The following SDR42E2 variants were observed in gnomAD, a reference collection of about 807,000 sequenced individuals.
The protein encoded by SDR42E2 is short chain dehydrogenase/reductase family 42E, member 2.
Under a neutral mutation model 10.5 loss-of-function variants are expected in SDR42E2, and 20 were observed. The ratio of observed to expected loss-of-function variants is 1.90; its 90% confidence interval spans 1.34 to 2.77. SDR42E2 has a LOEUF of 2.77. SDR42E2 is among the 30% of genes most tolerant of loss of function. The pLI, the probability that SDR42E2 is intolerant of heterozygous loss-of-function variation, is 0.00. For missense variants in SDR42E2, 162 were observed against 104.2 expected, an observed-to-expected ratio of 1.55 and a Z score of -2.42; for synonymous variants, 72 against 39.2, an observed-to-expected ratio of 1.84 and a Z score of -3.12.
At chr16:22,167,341 C>T (rs865907083) in intron 4 of SDR42E2, among the ~76,000 whole-genome samples, 1 of 151,790 alleles carries the variant, frequency 6.6e-6, no homozygotes, top group South Asian at 2.1e-4. Flanking sequence ...GCCACCAACA[C>T]GCCCAGCTAA....
intron 7 of SDR42E2, among the ~76,000 whole-genome samples, chr16:22,177,337 G>A (rs2046652752): frequency 6.6e-6 from 1 of 152,054 alleles, no homozygotes; most frequent in Non-Finnish European, 1.5e-5. Context: ...TAGAAAAAGG[G>A]AGAACAAGGC....
At chr16:22,182,155 G>A (rs530812554) in intron 9 of SDR42E2, 57 bp from the exon 10 acceptor site, 45 of 408,148 alleles carry the variant, frequency 1.1e-4, no homozygotes, top group African/African-American at 8.2e-4. Context: ...CATCTGGAAG[G>A]GTGGGGCAGG....
At chr16:22,187,972 T>C (rs1287166088) in intron 12 of SDR42E2, among the ~76,000 whole-genome samples, 5 of 151,958 alleles carry the variant, frequency 3.3e-5, no homozygotes, top group African/African-American at 4.8e-5. Flanking sequence ...GGCACATACC[T>C]GTAGTCCCAG....
chr16:22,169,576 C>T lies in SDR42E2; in HGVS notation c.394+74C>T, dbSNP rs1402262748. On this transcript the variant is annotated intron_variant, in intron 5 of 12. Coordinates refer to ENST00000602312, the MANE Select transcript of SDR42E2 (RefSeq NM_001394319.2). ...CCCTTCTCCTGCTGCAGGCCTGGCTCCCAGGGTGTAGGGTCAAAGGGAGGG... is the reference window on the plus strand; with the variant it reads ...CCCTTCTCCTGCTGCAGGCCTGGCTTCCAGGGTGTAGGGTCAAAGGGAGGG... 1.0e-5 allele frequency: 7 copies of T among 702,486 alleles called. No individual in the cohort carries two copies. The African/African-American group carries it at 1.2e-4, about 12-fold the overall frequency. 43.5% of individuals were successfully genotyped at this position (702,486 alleles called of 1,614,324 possible). A position where few individuals can be genotyped will look rare whatever the true frequency, so the allele number is the denominator to read the frequency against.
At chr16:22,169,900 C>T (rs1343979177) in intron 5 of SDR42E2, among the ~76,000 whole-genome samples, 2 of 151,880 alleles carry the variant, frequency 1.3e-5, no homozygotes, top group Non-Finnish European at 2.9e-5. Flanking sequence ...GGCGTGGTGG[C>T]GGGTGCCTGC....
rs1410485136 is a variant in SDR42E2 at position 22,190,507 on chromosome 16, C to T, written c.*114C>T. The T allele has an allele frequency of 2.5e-5, 10 of 399,578 alleles. No individual in the cohort carries two copies. The highest frequency in any genetic ancestry group is 3.1e-5 in the Non-Finnish European group (7 of 226,678). 24.8% of individuals were successfully genotyped at this position (399,578 alleles called of 1,614,324 possible). A position where few individuals can be genotyped will look rare whatever the true frequency, so the allele number is the denominator to read the frequency against. ...CCTTCTGGGTTTGAGCGCGCCTCCG[C>T]TCCGCCCCTTGAATCCTGGTCACGC... On this transcript the variant is annotated 3_prime_UTR_variant, in exon 13 of 13. Coordinates refer to ENST00000602312, the MANE Select transcript of SDR42E2 (RefSeq NM_001394319.2).
At chr16:22,172,530 CAGA>C (rs2046610405) in intron 7 of SDR42E2, among the ~76,000 whole-genome samples, 199 bp downstream of exon 7, 1 of 152,206 alleles carries the variant, frequency 6.6e-6, no homozygotes, top group Admixed American at 6.5e-5. Flanking sequence ...GGATACAGCC[CAGA>C]AGAAGTCAGG....
rs2046764551 is a variant in SDR42E2 at position 22,190,361 on chromosome 16, C to T, written c.1237C>T (p.Gln413Ter). ...LALALHFLGL[Q>*]PLHAAVERL ...CCTGGCCCTGCACTTCCTAGGCCTG[C>T]AGCCTCTGCACGCCGCCGTGGAGCG... Residue 413 changes from glutamine (Q) to a stop codon, truncating the protein, a stop_gained, in exon 13 of 13, where the codon CAG becomes TAG. Transcript: ENST00000602312. LOFTEE classifies it low-confidence loss of function (END_TRUNC). The T allele has an allele frequency of 7.5e-6, 3 of 402,390 alleles. No homozygotes were observed. Among genetic ancestry groups the T allele is most frequent in the South Asian group, 1.1e-4 (1 of 8,876 alleles). 24.9% of individuals were successfully genotyped at this position (402,390 alleles called of 1,614,324 possible).
chr16:22,164,652 A>AC (rs1339815003), intron 1 of SDR42E2, among the ~76,000 whole-genome samples: 4 of 152,182 alleles, frequency 2.6e-5, no homozygotes, highest in Non-Finnish European at 5.9e-5. Flanking sequence ...AACGTGTGGT[A>AC]CCAGCCACCC....
chr16:22,172,075 T>C (rs1427845804), intron 6 of SDR42E2, among the ~76,000 whole-genome samples, 181 bp from the exon 7 acceptor site: 1 of 152,148 alleles, frequency 6.6e-6, no homozygotes, highest in East Asian at 1.9e-4. Flanking sequence ...TCTGCTCCTG[T>C]GGCTCTGGAA....
At chr16:22,175,206 T>A (rs955668379) in intron 7 of SDR42E2, among the ~76,000 whole-genome samples, 1 of 152,070 alleles carries the variant, frequency 6.6e-6, no homozygotes, top group Admixed American at 6.6e-5. Context: ...ACACCTGTAA[T>A]CCCAGCACTT....
At position 22,191,364 on chromosome 16, in the gene SDR42E2, C is replaced by G. The variant is rs1049000576; in HGVS notation, c.*971C>G. Reference sequence around the variant, plus strand: ...CCCGCCCCCTCCCTCTCTGGCTTCACCCCTTTCCAGCTCCGCCTCCCGGGT... The same window carrying G: ...CCCGCCCCCTCCCTCTCTGGCTTCAGCCCTTTCCAGCTCCGCCTCCCGGGT... On this transcript the variant is annotated 3_prime_UTR_variant, in exon 13 of 13. Coordinates refer to ENST00000602312, the MANE Select transcript of SDR42E2 (RefSeq NM_001394319.2). The G allele has an allele frequency of 6.5e-6, 1 of 152,834 alleles. No homozygotes were observed. Among genetic ancestry groups the G allele is most frequent in the Non-Finnish European group, 1.5e-5 (1 of 68,228 alleles). The allele number at this position is 152,834 out of a possible 1,614,324, so 9.5% of individuals were successfully genotyped here.
At chr16:22,177,957 G>T (rs554850427) in intron 7 of SDR42E2, among the ~76,000 whole-genome samples, 173 bp from the exon 8 acceptor site, 124 of 152,256 alleles carry the variant, frequency 8.1e-4, no homozygotes, top group Middle Eastern at 6.8e-3. Flanking sequence ...ACTCTGAATA[G>T]TGTCTGTTGA....
chr16:22,174,465 G>A (rs2046627661), intron 7 of SDR42E2, among the ~76,000 whole-genome samples: 1 of 152,042 alleles, frequency 6.6e-6, no homozygotes, highest in Non-Finnish European at 1.5e-5. Flanking sequence ...CCAGAGCCTG[G>A]GGCCTAATCA....
intron 3 of SDR42E2, 135 bp from the exon 4 acceptor site, chr16:22,166,769 G>C: frequency 2.2e-6 from 1 of 449,858 alleles, no homozygotes; most frequent in Non-Finnish European, 4.0e-6. Context: ...TGCCCCACCA[G>C]CCTTTCCTGA....
chr16:22,183,663 C>A (rs1036295055), intron 10 of SDR42E2, among the ~76,000 whole-genome samples: 1 of 152,180 alleles, frequency 6.6e-6, no homozygotes, highest in Admixed American at 6.6e-5. Context: ...CCATGCCAGC[C>A]CATTTCTGCT....
rs1480799204 is a variant in SDR42E2, at chr16:22,190,311, T to C, written c.1187T>C (p.Leu396Pro). ...ACCCTCCTGCGCCTGCTGCTCAGGC[T>C]GCTGCTGTTCCTCGGCTTGCTCGCC... ...ARTLLRLLLR[L>P]LLFLGLLALA... is the part of the protein sequence containing the mutation. The change falls in exon 13 of 13, where the codon CTG becomes CCG. Residue 396 changes from leucine to proline, a missense_variant. Leu to Pro is a moderately conservative substitution (Grantham distance 98). Coordinates refer to ENST00000602312, the MANE Select transcript of SDR42E2 (RefSeq NM_001394319.2). 5.0e-6 allele frequency: 2 copies of C among 402,432 alleles called. No homozygotes were observed. Among genetic ancestry groups the C allele is most frequent in the African/African-American group, 4.1e-5 (2 of 48,704 alleles). 24.9% of individuals were successfully genotyped at this position (402,432 alleles called of 1,614,324 possible). A position where few individuals can be genotyped will look rare whatever the true frequency, so the allele number is the denominator to read the frequency against.
chr16:22,183,716 A>G (rs2046714607), intron 10 of SDR42E2, among the ~76,000 whole-genome samples: 1 of 152,200 alleles, frequency 6.6e-6, no homozygotes, highest in African/African-American at 2.4e-5. Context: ...TTCTGGAAAA[A>G]TCAGATTCTA....
rs1202703474 is a variant in SDR42E2 at position 22,167,182 on chromosome 16, T to G, written c.336+183T>G. On this transcript the variant is annotated intron_variant, in intron 4 of 12. Coordinates refer to ENST00000602312, the MANE Select transcript of SDR42E2 (RefSeq NM_001394319.2). Reference sequence around the variant, plus strand: ...GTTCTGCCATTTTTTTTTTTTTTTTTTTTTTTTTTTTTTTTTTTTTTGAGA... The same window carrying G: ...GTTCTGCCATTTTTTTTTTTTTTTTGTTTTTTTTTTTTTTTTTTTTTGAGA... Among the ~76,000 whole-genome samples, 46 of 111,334 alleles carry G rather than the reference T, an allele frequency of 4.1e-4. 2 individuals are homozygous for G. The highest frequency in any genetic ancestry group is 4.1e-3 in the Middle Eastern group (1 of 246). 73.0% of individuals were successfully genotyped at this position (111,334 alleles called of 152,430 possible).
Sources: allele counts gnomAD v4.1 joint callset (sites outside exome capture counted in the v4.1 genomes callset), GRCh38; gene constraint gnomAD v4.1.1; transcripts MANE v1.5; gene names NCBI Gene and HGNC (gene_info 2026-07-23, HGNC 2026-07-21).